The following PRDM11 variants were observed in gnomAD, a reference collection of about 807,000 sequenced individuals.
PRDM11 encodes PR domain-containing protein 11.
In PRDM11, 20 loss-of-function variants were observed where a neutral mutation model predicts 97.8. That is an observed-to-expected ratio of 0.20 (90% CI 0.14 to 0.30). The LOEUF (loss-of-function observed/expected upper bound fraction) is 0.30. Among genes scored for constraint, PRDM11 ranks in the 10% least tolerant of loss-of-function variants. The probability of loss-of-function intolerance (pLI) is 1.00; values close to 1 mark genes in which losing one functional copy is unlikely to be tolerated. For synonymous variants in PRDM11, 599 were observed against 637.7 expected, an observed-to-expected ratio of 0.94 and a Z score of 0.91; for missense variants, 1,139 against 1,555.2, an observed-to-expected ratio of 0.73 and a Z score of 4.50.
intron 1 of PRDM11, among the ~76,000 whole-genome samples, chr11:45,160,610 CAGT>C (rs1350860391): frequency 6.6e-6 from 1 of 152,248 alleles, no homozygotes; most frequent in Non-Finnish European, 1.5e-5. Flanking sequence ...TCTAGCCACA[CAGT>C]AGGTTTTAGA....
chr11:45,136,650 G>A (rs898374742), intron 1 of PRDM11, among the ~76,000 whole-genome samples: 3 of 152,128 alleles, frequency 2.0e-5, no homozygotes, highest in African/African-American at 4.8e-5. Context: ...TGAGGGCTGC[G>A]GCTGAAAATA....
chr11:45,187,285 G>A (rs563444024), intron 4 of PRDM11, among the ~76,000 whole-genome samples: 35 of 152,200 alleles, frequency 2.3e-4, no homozygotes, highest in Non-Finnish European at 5.1e-4. Context: ...ATGGATAGAC[G>A]TTCAACAGAG....
chr11:45,117,053 G>T (rs955701143), intron 1 of PRDM11, among the ~76,000 whole-genome samples: 1 of 151,962 alleles, frequency 6.6e-6, no homozygotes, highest in Non-Finnish European at 1.5e-5. Flanking sequence ...GTGAAACCCT[G>T]TCTCTACTAA....
chr11:45,132,378 G>C (rs1258766152), intron 1 of PRDM11, among the ~76,000 whole-genome samples: 1 of 152,108 alleles, frequency 6.6e-6, no homozygotes, highest in Non-Finnish European at 1.5e-5. Flanking sequence ...CTCTGAACTT[G>C]CTCATAACCC....
At chr11:45,125,236 C>T (rs1317587126) in intron 1 of PRDM11, among the ~76,000 whole-genome samples, 3 of 151,210 alleles carry the variant, frequency 2.0e-5, no homozygotes, top group Admixed American at 2.0e-4. Flanking sequence ...CTCTTTTCTT[C>T]TTTATTAGTC....
chr11:45,120,812 C>A (rs770423955), intron 1 of PRDM11, among the ~76,000 whole-genome samples: 10 of 152,068 alleles, frequency 6.6e-5, no homozygotes, highest in Admixed American at 1.3e-4. Context: ...CTTAAACCAG[C>A]AATAATGACA....
intron 5 of PRDM11, chr11:45,216,155 A>T (rs1457209064): frequency 6.6e-6 from 1 of 152,608 alleles, no homozygotes; most frequent in Non-Finnish European, 1.5e-5. Flanking sequence ...CTCCACCGCC[A>T]TCAGCAGCAC....
Position 45,232,657 on chromosome 11 carries a change from C to G in PRDM11, c.*4498C>G, listed in dbSNP as rs1402238288. The G allele has an allele frequency of 6.6e-6, 1 of 152,284 alleles. No homozygotes were observed. The highest frequency in any genetic ancestry group is 1.5e-5 in the Non-Finnish European group (1 of 68,104). 9.4% of individuals were successfully genotyped at this position (152,284 alleles called of 1,614,324 possible). A position where few individuals can be genotyped will look rare whatever the true frequency, so the allele number is the denominator to read the frequency against. Reference sequence around the variant, plus strand: ...GTGGTGCCGTGTCATGGGTTCTAGTCTGGCCTCTTCCTCAGTCCTCAGGAG... The same window carrying G: ...GTGGTGCCGTGTCATGGGTTCTAGTGTGGCCTCTTCCTCAGTCCTCAGGAG... On this transcript the variant is annotated 3_prime_UTR_variant, in exon 8 of 8. Transcript: ENST00000683152.
At chr11:45,149,188 C>A (rs529106638) in intron 1 of PRDM11, among the ~76,000 whole-genome samples, 2 of 152,364 alleles carry the variant, frequency 1.3e-5, no homozygotes, top group South Asian at 4.1e-4. Context: ...GTCACCCCCT[C>A]ATGGCAGTCA....
At chr11:45,104,531 G>A (rs1279331465) in intron 1 of PRDM11, among the ~76,000 whole-genome samples, 1 of 152,146 alleles carries the variant, frequency 6.6e-6, no homozygotes, top group Non-Finnish European at 1.5e-5. Flanking sequence ...GGATGGGCAA[G>A]AGCCTCTCCA....
chr11:45,182,023 A>T, intron 2 of PRDM11, 138 bp downstream of exon 2: 1 of 853,414 alleles, frequency 1.2e-6, no homozygotes, highest in Non-Finnish European at 1.8e-6. Flanking sequence ...TCCTGGGCGC[A>T]GGCTCTAGAA....
At position 45,227,618 on chromosome 11, in the gene PRDM11, G is replaced by T. The variant is rs1305622241; in HGVS notation, c.2993G>T (p.Ser998Ile). Reference protein sequence around the residue: ...VFDLAAWPRSSEELMSYGKED... With the variant: ...VFDLAAWPRSIEELMSYGKED... ...GACCTGGCTGCCTGGCCCAGGAGCAGTGAGGAGCTGATGAGCTATGGCAAG... is the reference window on the plus strand; with the variant it reads ...GACCTGGCTGCCTGGCCCAGGAGCATTGAGGAGCTGATGAGCTATGGCAAG... Residue 998 changes from serine (S) to isoleucine (I), a missense_variant, in exon 8 of 8, where the codon AGT becomes ATT. Ser to Ile is a moderately radical substitution (Grantham distance 142). Transcript: ENST00000683152. This position sits in a 1 kb window ranked among gnomAD's most constrained non-coding sequence, Gnocchi z 8.0. 2.0e-6 allele frequency: 3 copies of T among 1,533,946 alleles called. No homozygotes were observed. The highest frequency in any genetic ancestry group is 2.6e-6 in the Non-Finnish European group (3 of 1,146,738).
At chr11:45,101,285 C>A (rs144724707) in intron 1 of PRDM11, among the ~76,000 whole-genome samples, 1 of 152,256 alleles carries the variant, frequency 6.6e-6, no homozygotes, top group East Asian at 1.9e-4. Context: ...TTTGGCCGGT[C>A]ATGGGCTCAC....
chr11:45,187,422 T>C (rs1852744783), intron 4 of PRDM11, among the ~76,000 whole-genome samples: 1 of 152,208 alleles, frequency 6.6e-6, no homozygotes, highest in Non-Finnish European at 1.5e-5. Flanking sequence ...AGCCCAGCCA[T>C]GGAAAGTTGA....
intron 1 of PRDM11, among the ~76,000 whole-genome samples, chr11:45,162,066 T>C (rs1462256197): frequency 6.6e-6 from 1 of 152,210 alleles, no homozygotes; most frequent in African/African-American, 2.4e-5. Flanking sequence ...GTGGCGTGTG[T>C]GTTCATTGAG....
chr11:45,209,757 T>A (rs1489216837), intron 5 of PRDM11, among the ~76,000 whole-genome samples: 1 of 152,116 alleles, frequency 6.6e-6, no homozygotes, highest in Non-Finnish European at 1.5e-5. Context: ...CTTCATAGTT[T>A]TTGAGCCAGG....
intron 1 of PRDM11, among the ~76,000 whole-genome samples, chr11:45,173,080 CAT>C (rs1333102967): frequency 5.3e-5 from 8 of 152,176 alleles, no homozygotes; most frequent in African/African-American, 1.9e-4. Context: ...AGGGAAATGT[CAT>C]GTGCTGATTA....
In PRDM11 at chr11:45,224,465, A is replaced by G. The variant is rs1403312547; in HGVS notation, c.991A>G (p.Ile331Val). 6.2e-7 allele frequency: 1 copy of G among 1,614,234 alleles called. No individual in the cohort carries two copies. Among genetic ancestry groups the G allele is most frequent in the Admixed American group, 1.7e-5 (1 of 60,030 alleles). The change falls in exon 7 of 8, where the codon ATC (isoleucine) becomes GTC (valine). Residue 331 changes from isoleucine to valine, a missense_variant. By Grantham distance (29) the Ile-to-Val change is conservative. This residue lies in a region of PRDM11 where 429 missense variants were observed against 510.3 expected (regional missense o/e 0.84). Transcript: ENST00000683152. ...HQLALSTSLV[I>V]RKVPKYQDDA... ...GTTGGCCCTGAGCACCTCACTGGTCATCAGGAAAGTCCCCAAATACCAGGA... is the reference window on the plus strand; with the variant it reads ...GTTGGCCCTGAGCACCTCACTGGTCGTCAGGAAAGTCCCCAAATACCAGGA...
intron 4 of PRDM11, among the ~76,000 whole-genome samples, chr11:45,196,770 A>G (rs1042697789): frequency 6.6e-6 from 1 of 152,220 alleles, no homozygotes; most frequent in Admixed American, 6.5e-5. Context: ...TTTTACAGGC[A>G]GAAAAGAAGG....
Sources: allele counts gnomAD v4.1 joint callset (sites outside exome capture counted in the v4.1 genomes callset), GRCh38; gene constraint gnomAD v4.1.1; regional missense constraint gnomAD v4.1.1; non-coding constraint Gnocchi (gnomAD v3.1); transcripts MANE v1.5; gene names NCBI Gene and HGNC (gene_info 2026-07-23, HGNC 2026-07-21).